The following ROR1 variants were observed in gnomAD, a reference collection of about 807,000 sequenced individuals.
ROR1 encodes the protein inactive tyrosine-protein kinase transmembrane receptor ROR1.
Under a neutral mutation model 78.8 loss-of-function variants are expected in ROR1, and 19 were observed. That is an observed-to-expected ratio of 0.24 (90% confidence interval 0.17 to 0.35). The LOEUF (loss-of-function observed/expected upper bound fraction) is 0.35, where lower values mean the gene tolerates loss of function less well. Among genes scored for constraint, ROR1 ranks in the 10% least tolerant of loss-of-function variants. ROR1 has a pLI of 1.00. For synonymous variants in ROR1, 386 were observed against 433.6 expected, an observed-to-expected ratio of 0.89 and a Z score of 1.36; for missense variants, 917 against 1,177.8, an observed-to-expected ratio of 0.78 and a Z score of 3.24.
At chr1:63,906,005 A>G (rs960365220) in intron 1 of ROR1, among the ~76,000 whole-genome samples, 8 of 152,200 alleles carry the variant, frequency 5.3e-5, no homozygotes, top group African/African-American at 1.9e-4. Flanking sequence ...AAACGGTTCC[A>G]TTTAGAATGT....
At chr1:63,965,654 T>A (rs544055891) in intron 1 of ROR1, among the ~76,000 whole-genome samples, 1 of 152,354 alleles carries the variant, frequency 6.6e-6, no homozygotes, top group East Asian at 1.9e-4. Context: ...GTTTAAAGCA[T>A]TATTTTATTC....
intron 1 of ROR1, among the ~76,000 whole-genome samples, chr1:63,989,955 G>A (rs1198003193): frequency 6.6e-6 from 1 of 152,128 alleles, no homozygotes; most frequent in Non-Finnish European, 1.5e-5. Flanking sequence ...AGTGCTTGAT[G>A]TCTAAAGCAC....
chr1:63,894,062 T>G (rs1645421041), intron 1 of ROR1, among the ~76,000 whole-genome samples: 1 of 152,088 alleles, frequency 6.6e-6, no homozygotes, highest in Non-Finnish European at 1.5e-5. Context: ...TTTGGACTCT[T>G]AGTAAGTAAA....
intron 1 of ROR1, among the ~76,000 whole-genome samples, chr1:63,919,803 T>G (rs1460142532): frequency 6.6e-6 from 1 of 152,188 alleles, no homozygotes; most frequent in Non-Finnish European, 1.5e-5. Flanking sequence ...GAGTATTGAC[T>G]AATTATTAGC....
At chr1:64,069,924 T>A (rs549461234) in intron 4 of ROR1, among the ~76,000 whole-genome samples, 2 of 152,322 alleles carry the variant, frequency 1.3e-5, no homozygotes, top group South Asian at 4.1e-4. Context: ...TGTGGTATGA[T>A]CCTTACCACT....
intron 1 of ROR1, among the ~76,000 whole-genome samples, chr1:63,935,432 T>C (rs1409714054): frequency 6.6e-6 from 1 of 152,160 alleles, no homozygotes; most frequent in Admixed American, 6.5e-5. Flanking sequence ...GTCAGGTTAA[T>C]TGTAGAGGGT....
chr1:64,142,653 A>G lies in ROR1; in HGVS notation c.1174+3A>G. The G allele has an allele frequency of 6.2e-7, 1 of 1,614,016 alleles. No individual in the cohort carries two copies. Among genetic ancestry groups the G allele is most frequent in the Non-Finnish European group, 8.5e-7 (1 of 1,179,906 alleles). On this transcript the variant is annotated splice_donor_region_variant and intron_variant, in intron 7 of 8. Transcript: ENST00000371079. ...TCTGTGTGACATCCCAGCGTGCGGTAAATAGAAGTCATTGCCCCTAATGTA... is the reference window on the plus strand; with the variant it reads ...TCTGTGTGACATCCCAGCGTGCGGTGAATAGAAGTCATTGCCCCTAATGTA...
In ROR1 at chr1:64,050,733, C is replaced by A; in HGVS notation, c.482+17C>A. ...AGGATACTCGTAAGTACTTTTATCT[C>A]CTTTCTTGTCATTTCTAAGTGTTTC... is the stretch of plus-strand genomic sequence containing the variant. On this transcript the variant is annotated intron_variant, in intron 4 of 8. Coordinates refer to ENST00000371079, the MANE Select transcript of ROR1 (RefSeq NM_005012.4). The A allele has an allele frequency of 3.1e-6, 5 of 1,612,254 alleles. No individual in the cohort carries two copies. The South Asian group carries it at 4.4e-5, about 14-fold the overall frequency.
chr1:63,971,857 G>A lies in ROR1; in HGVS notation c.92-37448G>A, dbSNP rs147280576. 1.4e-4 allele frequency among the ~76,000 whole-genome samples: 22 copies of A among 152,192 alleles called. 1 individual carries two copies. In the East Asian group the frequency reaches 4.1e-3, roughly 28 times the overall value. On this transcript the variant is annotated intron_variant, in intron 1 of 8. Coordinates refer to ENST00000371079, the MANE Select transcript of ROR1 (RefSeq NM_005012.4). ...AGCAGATGATAAAGCCCTTGTCCTC[G>A]GTCTTGCTCATGCCAGCAGTTGGAG... is the stretch of plus-strand genomic sequence containing the variant.
At chr1:64,013,319 G>C (rs556192168) in intron 2 of ROR1, among the ~76,000 whole-genome samples, 2 of 152,244 alleles carry the variant, frequency 1.3e-5, no homozygotes, top group Non-Finnish European at 2.9e-5. Flanking sequence ...CCACACTTTA[G>C]TGTTCATTCA....
rs80339884 is a variant in ROR1 at position 63,875,503 on chromosome 1, A to C, written c.91+100995A>C. Among the ~76,000 whole-genome samples the C allele has an allele frequency of 4.2e-3, 640 of 152,198 alleles. 4 individuals carry two copies. Among genetic ancestry groups the C allele is most frequent in the Non-Finnish European group, 7.6e-3 (520 of 67,986 alleles). ...TTGAATTTCTGAGCCCTAATTAAGAACCTTGAGGGCAGAGCCATGGTTTAC... is the reference window on the plus strand; with the variant it reads ...TTGAATTTCTGAGCCCTAATTAAGACCCTTGAGGGCAGAGCCATGGTTTAC... On this transcript the variant is annotated intron_variant, in intron 1 of 8. Coordinates refer to ENST00000371079, the MANE Select transcript of ROR1 (RefSeq NM_005012.4).
At chr1:63,900,331 G>A (rs1384489459) in intron 1 of ROR1, among the ~76,000 whole-genome samples, 2 of 151,724 alleles carry the variant, frequency 1.3e-5, no homozygotes, top group Non-Finnish European at 2.9e-5. Flanking sequence ...GCAGGCACCT[G>A]TAGTCCCAGC....
At chr1:63,950,736 A>G (rs1645928764) in intron 1 of ROR1, among the ~76,000 whole-genome samples, 1 of 152,224 alleles carries the variant, frequency 6.6e-6, no homozygotes. Context: ...GTTTTTAACA[A>G]GCACCACAGG....
At chr1:63,828,458 T>C (rs1018749855) in intron 1 of ROR1, among the ~76,000 whole-genome samples, 2 of 152,204 alleles carry the variant, frequency 1.3e-5, no homozygotes, top group Non-Finnish European at 1.5e-5. Context: ...TGTTTATATA[T>C]AGAGGATGAC....
chr1:63,823,445 CTTTTTTTTTTTTT>C (rs11374055), intron 1 of ROR1, among the ~76,000 whole-genome samples: 1 of 106,172 alleles, frequency 9.4e-6, no homozygotes, highest in Non-Finnish European at 1.7e-5. Context: ...ACAGACATTA[CTTTTTTTTTTTTT>C]TTTTTTTTTG....
intron 1 of ROR1, among the ~76,000 whole-genome samples, chr1:63,947,808 G>T (rs1355929989): frequency 6.6e-6 from 1 of 152,124 alleles, no homozygotes; most frequent in Non-Finnish European, 1.5e-5. Flanking sequence ...CCTGATACCT[G>T]ATACCAATGA....
Position 63,774,928 on chromosome 1 carries a change from G to A in ROR1, c.91+420G>A, listed in dbSNP as rs1467490804. ...AGTTGCGAGCCGGCCCGGAAGGCGC[G>A]GTCCAGGAGGGAGTTTGGATTTTCA... On this transcript the variant is annotated intron_variant, in intron 1 of 8. Transcript: ENST00000371079. The surrounding 1 kb of genome is among the most constrained non-coding windows in gnomAD (Gnocchi z 5.7). Among the ~76,000 whole-genome samples, 1 of 152,116 alleles carries A rather than the reference G, an allele frequency of 6.6e-6. No individual in the cohort carries two copies. The highest frequency in any genetic ancestry group is 2.1e-4 in the South Asian group (1 of 4,830).
intron 1 of ROR1, among the ~76,000 whole-genome samples, chr1:63,981,395 G>A (rs377221659): frequency 3.9e-5 from 6 of 152,142 alleles, no homozygotes; most frequent in African/African-American, 1.4e-4. Flanking sequence ...GCCCAGGAAG[G>A]CTGAAGCTTC....
intron 1 of ROR1, among the ~76,000 whole-genome samples, chr1:63,961,754 G>A (rs1646031468): frequency 6.6e-6 from 1 of 152,134 alleles, no homozygotes; most frequent in African/African-American, 2.4e-5. Flanking sequence ...TAGATAGGAG[G>A]AATAAGTTCT....
Sources: gnomAD v4.1 joint callset for allele counts (sites outside exome capture counted in the v4.1 genomes callset) on GRCh38, gnomAD v4.1.1 for gene constraint, Gnocchi (gnomAD v3.1) non-coding constraint, MANE v1.5 for transcripts, NCBI Gene and HGNC (gene_info 2026-07-23, HGNC 2026-07-21) for gene names.